The following TTC7A variants were observed in gnomAD, a reference collection of about 807,000 sequenced individuals.
The protein encoded by TTC7A is tetratricopeptide repeat protein 7A.
Under a neutral mutation model 103.7 loss-of-function variants are expected in TTC7A, and 110 were observed. The ratio of observed to expected loss-of-function variants is 1.06; its 90% CI spans 0.91 to 1.24. The LOEUF is 1.24. TTC7A is among the 50% of genes most tolerant of loss of function. The probability of loss-of-function intolerance (pLI) is 0.00; values close to 1 mark genes in which losing one functional copy is unlikely to be tolerated. For synonymous variants in TTC7A, 521 were observed against 467.9 expected (o/e 1.11, Z -1.47); for missense variants, 1,340 against 1,116.3 (o/e 1.20, Z -2.86).
intron 8 of TTC7A, among the ~76,000 whole-genome samples, chr2:47,003,089 C>G (rs1677006157): frequency 6.6e-6 from 1 of 152,206 alleles, no homozygotes; most frequent in Non-Finnish European, 1.5e-5. Context: ...CTGCCAGACA[C>G]AAATTCAGAC....
intron 18 of TTC7A, among the ~76,000 whole-genome samples, chr2:47,052,628 C>T (rs921009844): frequency 3.3e-5 from 5 of 152,146 alleles, no homozygotes; most frequent in African/African-American, 1.2e-4. Context: ...TTTACCCTGA[C>T]AGTAGTGTGA....
chr2:47,073,578 A>G (rs987911721), intron 19 of TTC7A, 124 bp from the exon 20 acceptor site: 1 of 804,944 alleles, frequency 1.2e-6, no homozygotes, highest in Non-Finnish European at 2.1e-6. Flanking sequence ...TGCCCAAGCC[A>G]GAGACGCGGG....
chr2:47,031,077 G>A (rs1312281573), intron 15 of TTC7A, among the ~76,000 whole-genome samples: 2 of 152,158 alleles, frequency 1.3e-5, no homozygotes, highest in Non-Finnish European at 2.9e-5. Context: ...AATCTGGGAG[G>A]CAGGGGTTGC....
intron 18 of TTC7A, among the ~76,000 whole-genome samples, chr2:47,052,889 G>C (rs77534302): frequency 0.011 from 1,639 of 152,254 alleles, 28 homozygotes; most frequent in African/African-American, 0.034. Context: ...TTGTCCCCAG[G>C]GGGGGAGTTG....
intron 14 of TTC7A, among the ~76,000 whole-genome samples, chr2:47,024,840 T>TAGCCCCAGGACCACCTC (rs1388387825): frequency 3.9e-5 from 6 of 152,092 alleles, no homozygotes; most frequent in Non-Finnish European, 8.8e-5. Flanking sequence ...CTGACTACCT[T>TAGCCCCAGGACCACCTC]AGCCCCAGGA....
At chr2:46,958,247 C>G (rs1572722254) in intron 3 of TTC7A, among the ~76,000 whole-genome samples, 2 of 152,228 alleles carry the variant, frequency 1.3e-5, no homozygotes, top group African/African-American at 4.8e-5. Flanking sequence ...GCCAGGAAAC[C>G]TGGCAAGATG....
intron 10 of TTC7A, among the ~76,000 whole-genome samples, chr2:47,008,566 G>A (rs956358636): frequency 3.9e-5 from 6 of 152,192 alleles, no homozygotes; most frequent in Admixed American, 3.3e-4. Context: ...GCCCATGCAT[G>A]AGGCTTCATG....
chr2:46,999,451 A>C (rs770649243), intron 8 of TTC7A: 6 of 983,708 alleles, frequency 6.1e-6, no homozygotes, highest in Non-Finnish European at 7.2e-6. Flanking sequence ...TCATCTGTCT[A>C]TCCACCCACC....
intron 3 of TTC7A, among the ~76,000 whole-genome samples, chr2:46,966,715 C>T (rs1193737490): frequency 6.8e-6 from 1 of 147,356 alleles, no homozygotes; most frequent in South Asian, 2.1e-4. Flanking sequence ...TGGTCCTGAA[C>T]TCCTGGGCTC....
chr2:46,993,095 A>C (rs550036153), intron 5 of TTC7A, among the ~76,000 whole-genome samples: 2 of 152,348 alleles, frequency 1.3e-5, no homozygotes, highest in Admixed American at 1.3e-4. Context: ...AAGCTGGAGA[A>C]TTTGAGACTG....
In TTC7A at chr2:46,959,290, C is replaced by T. The variant is rs1056440192; in HGVS notation, c.517+2283C>T. Among the ~76,000 whole-genome samples, 8 of 152,284 alleles carry T rather than the reference C, an allele frequency of 5.3e-5. No homozygotes were observed. In the East Asian group the frequency reaches 1.2e-3, roughly 22 times the overall value. On this transcript the variant is annotated intron_variant, in intron 3 of 19. Transcript: ENST00000319190. ...CAGGCAGCCCCTCGGTCTTGGGCTC[C>T]GTTTGATGCTGGGCTGCCTGCAGGA... is the stretch of plus-strand genomic sequence containing the variant.
At chr2:46,942,525 G>C (rs1429704303) in intron 1 of TTC7A, among the ~76,000 whole-genome samples, 1 of 152,202 alleles carries the variant, frequency 6.6e-6, no homozygotes, top group Non-Finnish European at 1.5e-5. Context: ...TGAAGGCTCT[G>C]AGAGGGACAG....
chr2:46,935,455 C>CT, intron 2 of TTC7A, among the ~76,000 whole-genome samples: 1 of 152,346 alleles, frequency 6.6e-6, no homozygotes, highest in Admixed American at 6.5e-5. Flanking sequence ...CACTTCATAA[C>CT]TATTCCAACT....
At chr2:47,056,601 C>A (rs969874542) in intron 18 of TTC7A, among the ~76,000 whole-genome samples, 14 of 152,244 alleles carry the variant, frequency 9.2e-5, no homozygotes, top group African/African-American at 3.4e-4. Context: ...CTGGAACCAG[C>A]TCTGGGTGCA....
chr2:46,926,837 T>TTA (rs1669408946), intron 2 of TTC7A, among the ~76,000 whole-genome samples: 1 of 152,242 alleles, frequency 6.6e-6, no homozygotes, highest in South Asian at 2.1e-4. Context: ...AGACAGAGGT[T>TTA]GTTAAACACT....
chr2:46,999,627 A>G, intron 8 of TTC7A: 1 of 985,496 alleles, frequency 1.0e-6, no homozygotes, highest in Non-Finnish European at 1.2e-6. Context: ...CCAAATCAGA[A>G]GGAATGACCC....
intron 8 of TTC7A, among the ~76,000 whole-genome samples, chr2:46,998,880 G>A (rs1676498661): frequency 6.6e-6 from 1 of 152,140 alleles, no homozygotes; most frequent in Admixed American, 6.5e-5. Context: ...CTTTCAAGAG[G>A]TAAATAGAAA....
intron 2 of TTC7A, among the ~76,000 whole-genome samples, chr2:46,933,469 C>T (rs535162189): frequency 9.2e-5 from 14 of 152,340 alleles, no homozygotes; most frequent in Non-Finnish European, 1.5e-4. Flanking sequence ...CATCTCTTAG[C>T]GTAATGATTA....
At chr2:47,036,285 A>G (rs758330199) in intron 15 of TTC7A, among the ~76,000 whole-genome samples, 22 of 152,338 alleles carry the variant, frequency 1.4e-4, no homozygotes, top group Non-Finnish European at 2.9e-4. Flanking sequence ...GTAAGAAGGC[A>G]CTAACTTCAG....
Sources: allele counts gnomAD v4.1 joint callset (sites outside exome capture counted in the v4.1 genomes callset), GRCh38; gene constraint gnomAD v4.1.1; transcripts MANE v1.5; gene names NCBI Gene and HGNC (gene_info 2026-07-23, HGNC 2026-07-21).